KCMF1: variants seen among roughly 807,000 people sequenced by gnomAD.
KCMF1 encodes the protein E3 ubiquitin-protein ligase KCMF1.
In KCMF1, 3 loss-of-function variants were observed where a neutral mutation model predicts 41.1. The observed-to-expected ratio is 0.07, with a 90% CI of 0.03 to 0.19. The LOEUF (loss-of-function observed/expected upper bound fraction) is 0.19, where lower values mean the gene tolerates loss of function less well. KCMF1 is among the 10% of genes least tolerant of loss of function. KCMF1 has a pLI of 1.00. For synonymous variants in KCMF1, 142 were observed against 164.5 expected, an observed-to-expected ratio of 0.86 and a Z score of 1.04; for missense variants, 286 against 488.9, an observed-to-expected ratio of 0.58 and a Z score of 3.91.
intron 1 of KCMF1, among the ~76,000 whole-genome samples, chr2:85,022,464 C>CT (rs1299758104): frequency 4.6e-5 from 7 of 152,004 alleles, no homozygotes; most frequent in Non-Finnish European, 1.5e-5. Flanking sequence ...ACAGTGAGAC[C>CT]TTGTCTCAAA....
chr2:85,045,327 C>T (rs1246432660), intron 4 of KCMF1, among the ~76,000 whole-genome samples: 1 of 151,918 alleles, frequency 6.6e-6, no homozygotes, highest in African/African-American at 2.4e-5. Flanking sequence ...GAACCCAAAC[C>T]ATCCTCATGA....
chr2:85,004,778 C>T (rs934930046), intron 1 of KCMF1, among the ~76,000 whole-genome samples: 4 of 152,110 alleles, frequency 2.6e-5, no homozygotes, highest in African/African-American at 9.7e-5. Flanking sequence ...CTTGCTTGAA[C>T]TAGGCCTTTT....
chr2:84,983,901 C>T (rs371297313), intron 1 of KCMF1, among the ~76,000 whole-genome samples: 1 of 152,176 alleles, frequency 6.6e-6, no homozygotes, highest in Non-Finnish European at 1.5e-5. Flanking sequence ...CCTTGGTCTC[C>T]TACAGTGCTG....
At chr2:84,990,069 A>G (rs1383218575) in intron 1 of KCMF1, among the ~76,000 whole-genome samples, 1 of 152,242 alleles carries the variant, frequency 6.6e-6, no homozygotes, top group Non-Finnish European at 1.5e-5. Flanking sequence ...AATATGGTCA[A>G]TAGCACTACA....
chr2:85,030,227 C>A (rs777927413), intron 2 of KCMF1, among the ~76,000 whole-genome samples: 1 of 150,892 alleles, frequency 6.6e-6, no homozygotes, highest in African/African-American at 2.4e-5. Flanking sequence ...GTTTTTTATT[C>A]CTTATGTAAG....
chr2:85,006,327 G>T (rs1292280131), intron 1 of KCMF1, among the ~76,000 whole-genome samples: 1 of 122,810 alleles, frequency 8.1e-6, no homozygotes, highest in Non-Finnish European at 1.6e-5. Flanking sequence ...TTGAGATGGA[G>T]TCTCGCACTC....
chr2:84,971,603 G>GGAGC (rs1573997902), intron 1 of KCMF1, 136 bp downstream of exon 1: 3 of 321,300 alleles, frequency 9.3e-6, no homozygotes, highest in South Asian at 1.3e-4. Flanking sequence ...GCTGGACCCG[G>GGAGC]GAGCGAGCGA....
chr2:85,025,458 C>T (rs1330785698), intron 1 of KCMF1, among the ~76,000 whole-genome samples: 2 of 152,074 alleles, frequency 1.3e-5, no homozygotes, highest in African/African-American at 2.4e-5. Flanking sequence ...CACCACTGTC[C>T]ATCTCCAGAA....
chr2:84,991,494 C>T (rs1674042385), intron 1 of KCMF1, among the ~76,000 whole-genome samples: 1 of 152,154 alleles, frequency 6.6e-6, no homozygotes, highest in Admixed American at 6.6e-5. Flanking sequence ...TTTAAACTTT[C>T]TATCAGGTAG....
chr2:85,053,496 G>A lies in KCMF1; in HGVS notation c.*87G>A, dbSNP rs1392602729. 7.7e-6 allele frequency: 10 copies of A among 1,293,624 alleles called. No homozygotes were observed. Among genetic ancestry groups the A allele is most frequent in the Non-Finnish European group, 1.1e-5 (10 of 946,236 alleles). The allele number at this position is 1,293,624 out of a possible 1,614,324, so 80.1% of individuals were successfully genotyped here. A position where few individuals can be genotyped will look rare whatever the true frequency, so the allele number is the denominator to read the frequency against. ...ACTATCTTGGGTTTGTTTGGTGATT[G>A]TAATTTCAGGTCTGTCACTCTTGTT... On this transcript the variant is annotated 3_prime_UTR_variant, in exon 7 of 7. Coordinates refer to ENST00000409785, the MANE Select transcript of KCMF1 (RefSeq NM_020122.5).
chr2:84,984,548 C>T (rs572253334), intron 1 of KCMF1, among the ~76,000 whole-genome samples: 5 of 150,956 alleles, frequency 3.3e-5, no homozygotes, highest in African/African-American at 4.9e-5. Flanking sequence ...AGGCTGGGTA[C>T]GGTGGCTCAC....
chr2:85,015,102 C>T (rs916341829), intron 1 of KCMF1, among the ~76,000 whole-genome samples: 2 of 145,828 alleles, frequency 1.4e-5, no homozygotes, highest in Non-Finnish European at 3.0e-5. Context: ...TGCAGTGAGC[C>T]GAGATCGCGC....
chr2:85,024,262 C>T (rs562429647), intron 1 of KCMF1, among the ~76,000 whole-genome samples: 1 of 152,272 alleles, frequency 6.6e-6, no homozygotes, highest in South Asian at 2.1e-4. Context: ...GGCAGATCAC[C>T]CGGAGTTCGA....
chr2:85,029,056 G>A (rs1675194140), intron 2 of KCMF1, among the ~76,000 whole-genome samples: 1 of 152,010 alleles, frequency 6.6e-6, no homozygotes, highest in African/African-American at 2.4e-5. Context: ...TGCAACATCT[G>A]CCTCCTGGCT....
chr2:84,992,863 G>A (rs1053732780), intron 1 of KCMF1, among the ~76,000 whole-genome samples: 52 of 152,142 alleles, frequency 3.4e-4, no homozygotes, highest in African/African-American at 1.2e-3. Context: ...CTTGTGATCC[G>A]CCCGCCTCGG....
chr2:85,021,352 G>A (rs556890599), intron 1 of KCMF1, among the ~76,000 whole-genome samples: 5 of 152,304 alleles, frequency 3.3e-5, no homozygotes, highest in South Asian at 4.1e-4. Flanking sequence ...AGCCGGGCGC[G>A]GTGGCTCACG....
At chr2:85,044,797 C>T (rs180803904) in intron 4 of KCMF1, among the ~76,000 whole-genome samples, 47 of 152,322 alleles carry the variant, frequency 3.1e-4, no homozygotes, top group Non-Finnish European at 5.4e-4. Flanking sequence ...GGGATTCAGG[C>T]GTGAGCCACC....
At chr2:84,974,672 T>TATTCATATATATATATATATATAC (rs1673489179) in intron 1 of KCMF1, among the ~76,000 whole-genome samples, 1 of 37,776 alleles carries the variant, frequency 2.6e-5, no homozygotes, top group Non-Finnish European at 5.3e-5. Flanking sequence ...TATATATATA[T>TATTCATATATATATATATATATAC]ATATATATAT....
intron 1 of KCMF1, among the ~76,000 whole-genome samples, chr2:84,981,920 C>T (rs1319653516): frequency 6.6e-6 from 1 of 152,098 alleles, no homozygotes; most frequent in Non-Finnish European, 1.5e-5. Context: ...GCTGAGATTA[C>T]AGGCGCCCAC....
Sources: gnomAD v4.1 joint callset for allele counts (sites outside exome capture counted in the v4.1 genomes callset) on GRCh38, gnomAD v4.1.1 for gene constraint, MANE v1.5 for transcripts, NCBI Gene and HGNC (gene_info 2026-07-23, HGNC 2026-07-21) for gene names.